Variants in KIF16B observed in about 807,000 individuals in gnomAD.
The protein encoded by KIF16B is kinesin family member 16B.
A neutral mutation model predicts 156.3 loss-of-function variants in KIF16B; 98 were observed. The ratio of observed to expected loss-of-function variants is 0.63; its 90% CI spans 0.53 to 0.74. KIF16B has a LOEUF of 0.74. Among genes scored for constraint, KIF16B ranks in the 30% least tolerant of loss-of-function variants. KIF16B has a pLI of 0.00. For missense variants in KIF16B, 1,421 were observed against 1,606.5 expected, an observed-to-expected ratio of 0.88 and a Z score of 1.97; for synonymous variants, 564 against 583.7, an observed-to-expected ratio of 0.97 and a Z score of 0.49.
intron 25 of KIF16B, among the ~76,000 whole-genome samples, chr20:16,310,407 A>G (rs1344660182): frequency 6.6e-6 from 1 of 152,208 alleles, no homozygotes; most frequent in African/African-American, 2.4e-5. Context: ...TAAGTCAGGA[A>G]GTTGGAATGG....
chr20:16,380,940 A>G (rs1003945594), intron 18 of KIF16B, among the ~76,000 whole-genome samples: 2 of 152,192 alleles, frequency 1.3e-5, no homozygotes, highest in African/African-American at 4.8e-5. Flanking sequence ...CCAAACGTCT[A>G]TCTTGGATGA....
chr20:16,420,631 G>A (rs566391739), intron 15 of KIF16B, among the ~76,000 whole-genome samples: 4 of 152,088 alleles, frequency 2.6e-5, no homozygotes, highest in Non-Finnish European at 4.4e-5. Flanking sequence ...CCACGCAGCC[G>A]CAGTCTCTCT....
At chr20:16,403,561 A>C (rs2065708399) in intron 17 of KIF16B, among the ~76,000 whole-genome samples, 1 of 152,232 alleles carries the variant, frequency 6.6e-6, no homozygotes, top group Non-Finnish European at 1.5e-5. Flanking sequence ...CAAGGGAGTC[A>C]ACTGCTGGTG....
chr20:16,298,907 TA>T (rs111405608), intron 25 of KIF16B, among the ~76,000 whole-genome samples: 63,718 of 138,638 alleles, frequency 0.46, 13,543 homozygotes, highest in Non-Finnish European at 0.5. Flanking sequence ...TGGTGAGTAA[TA>T]AAAAAAAAAA....
intron 1 of KIF16B, 99 bp downstream of exon 1, chr20:16,573,130 T>A: frequency 8.2e-7 from 1 of 1,216,120 alleles, no homozygotes; most frequent in South Asian, 1.4e-5. Flanking sequence ...GACCAGCCGG[T>A]GACACTTTTA....
At chr20:16,565,421 C>T (rs1439639800) in intron 1 of KIF16B, among the ~76,000 whole-genome samples, 5 of 152,242 alleles carry the variant, frequency 3.3e-5, no homozygotes, top group South Asian at 2.1e-4. Context: ...ACAGTTCTGA[C>T]GTTGTGAACC....
chr20:16,363,376 G>C (rs1019490249), intron 22 of KIF16B, among the ~76,000 whole-genome samples: 1 of 152,088 alleles, frequency 6.6e-6, no homozygotes, highest in African/African-American at 2.4e-5. Context: ...TACTCTTCCC[G>C]GTACCTTAAT....
chr20:16,448,025 T>C (rs2066981856), intron 12 of KIF16B, among the ~76,000 whole-genome samples: 1 of 152,212 alleles, frequency 6.6e-6, no homozygotes, highest in East Asian at 1.9e-4. Flanking sequence ...GGAAGATTTC[T>C]ATCTGTGCTT....
chr20:16,381,609 GCAGA>G (rs2065098242), intron 18 of KIF16B, 81 bp downstream of exon 18: 2 of 968,582 alleles, frequency 2.1e-6, no homozygotes, highest in Non-Finnish European at 3.1e-6. Flanking sequence ...AAGTATTGAA[GCAGA>G]CACAGATGGA....
At chr20:16,460,808 C>A (rs1306507292) in intron 12 of KIF16B, among the ~76,000 whole-genome samples, 2 of 151,656 alleles carry the variant, frequency 1.3e-5, no homozygotes. Context: ...AAAAAACAGA[C>A]CATGAAAGAA....
chr20:16,479,623 A>C (rs1308099315), intron 12 of KIF16B, among the ~76,000 whole-genome samples: 1 of 152,212 alleles, frequency 6.6e-6, no homozygotes, highest in Non-Finnish European at 1.5e-5. Context: ...TGGTGGTACC[A>C]TAAGATTATA....
Position 16,379,116 on chromosome 20 carries a change from A to G in KIF16B, c.2886T>C (p.Asn962=). The G allele has an allele frequency of 6.2e-7, 1 of 1,613,676 alleles. No homozygotes were observed. Among genetic ancestry groups the G allele is most frequent in the Non-Finnish European group, 8.5e-7 (1 of 1,179,858 alleles). ...KEEQLAQYQA[N]ANQLQKLQAT... ...CTTGGAGCTTTTGCAGCTGGTTTGC[A>G]TTGGCCTGGTACTGTGCAAGCTGTT... Residue 962 remains asparagine (N), a synonymous_variant, in exon 19 of 26, where the codon AAT becomes AAC. Transcript: ENST00000354981.
chr20:16,452,575 C>T (rs879905747), intron 12 of KIF16B, among the ~76,000 whole-genome samples: 22 of 152,136 alleles, frequency 1.4e-4, no homozygotes, highest in Middle Eastern at 3.4e-3. Flanking sequence ...GTGGCTCACG[C>T]CTGTAATCCC....
intron 12 of KIF16B, among the ~76,000 whole-genome samples, chr20:16,480,479 G>A (rs1395288653): frequency 2.0e-5 from 3 of 152,120 alleles, no homozygotes; most frequent in Non-Finnish European, 4.4e-5. Flanking sequence ...GCAAAATCCA[G>A]GTCACCTCAG....
At chr20:16,400,013 C>T (rs1274404711) in intron 17 of KIF16B, among the ~76,000 whole-genome samples, 3 of 152,216 alleles carry the variant, frequency 2.0e-5, no homozygotes, top group African/African-American at 7.2e-5. Flanking sequence ...AGAGCAATGC[C>T]TTTCAATGCA....
rs777051896 is a variant in KIF16B, at chr20:16,380,116, TCAGC to T, written c.1882_1885del (p.Ala628AsnfsTer41). On this transcript the variant is annotated frameshift_variant, in exon 19 of 26. Coordinates refer to ENST00000354981, the MANE Select transcript of KIF16B (RefSeq NM_024704.5). LOFTEE classifies it high-confidence loss of function. ...CACCTCCTGCTGCATCCGCTCCAGTTCAGCCTTGTCTGATTTCTGCTTTTCCTCC... is the reference window on the plus strand; with the variant it reads ...CACCTCCTGCTGCATCCGCTCCAGTTCTTGTCTGATTTCTGCTTTTCCTCC... 6.6e-7 allele frequency: 1 copy of T among 1,520,104 alleles called. No individual in the cohort carries two copies. The highest frequency in any genetic ancestry group is 8.8e-7 in the Non-Finnish European group (1 of 1,138,638). The allele number at this position is 1,520,104 out of a possible 1,614,324, so 94.2% of individuals were successfully genotyped here. A position where few individuals can be genotyped will look rare whatever the true frequency, so the allele number is the denominator to read the frequency against.
At chr20:16,304,928 G>A (rs1160035061) in intron 25 of KIF16B, among the ~76,000 whole-genome samples, 1 of 152,172 alleles carries the variant, frequency 6.6e-6, no homozygotes, top group Non-Finnish European at 1.5e-5. Context: ...GCTGTGTGTT[G>A]CAGGCACCAT....
At chr20:16,417,984 G>C (rs2066133100) in intron 15 of KIF16B, among the ~76,000 whole-genome samples, 2 of 152,092 alleles carry the variant, frequency 1.3e-5, no homozygotes, top group East Asian at 3.9e-4. Context: ...AACAAATAAT[G>C]GTTGAAAACT....
In KIF16B at chr20:16,404,706, G is replaced by A. The variant is rs2065736860; in HGVS notation, c.1784+107C>T. The A allele has an allele frequency of 5.2e-6, 4 of 768,932 alleles. No individual in the cohort carries two copies. The South Asian group carries it at 6.5e-5, about 13-fold the overall frequency. 47.6% of individuals were successfully genotyped at this position (768,932 alleles called of 1,614,324 possible). A position where few individuals can be genotyped will look rare whatever the true frequency, so the allele number is the denominator to read the frequency against. On this transcript the variant is annotated intron_variant, in intron 17 of 25. Transcript: ENST00000354981. ...AAATGACGGTGGCTGATTTGATAAG[G>A]AGGCGCCGTTGCAGAAGTTTTATTT...
Sources: allele counts gnomAD v4.1 joint callset (sites outside exome capture counted in the v4.1 genomes callset), GRCh38; gene constraint gnomAD v4.1.1; transcripts MANE v1.5; gene names NCBI Gene and HGNC (gene_info 2026-07-23, HGNC 2026-07-21).